Variants in EML4 observed in about 807,000 individuals in gnomAD.
EML4 encodes EMAP like 4, also known as echinoderm microtubule-associated protein-like 4.
Under a neutral mutation model 129.0 loss-of-function variants are expected in EML4, and 72 were observed. The ratio of observed to expected loss-of-function variants is 0.56; its 90% CI spans 0.46 to 0.68. EML4 has a LOEUF of 0.68. EML4 is among the 30% of genes least tolerant of loss of function. The probability of loss-of-function intolerance (pLI) is 0.00; values close to 1 mark genes in which losing one functional copy is unlikely to be tolerated. For missense variants in EML4, 1,363 were observed against 1,190.6 expected, an observed-to-expected ratio of 1.14 and a Z score of -2.13; for synonymous variants, 532 against 405.0, an observed-to-expected ratio of 1.31 and a Z score of -3.77.
chr2:42,295,645 T>C, intron 13 of EML4, 129 bp downstream of exon 13: 1 of 684,010 alleles, frequency 1.5e-6, no homozygotes, highest in Non-Finnish European at 2.3e-6. Context: ...ATACCTTTTG[T>C]TTTCAGCATT....
At position 42,169,423 on chromosome 2, in the gene EML4, G is replaced by T; in HGVS notation, c.-189G>T. The T allele has an allele frequency of 2.0e-6, 1 of 506,970 alleles. No individual in the cohort carries two copies. Among genetic ancestry groups the T allele is most frequent in the South Asian group, 2.7e-5 (1 of 37,516 alleles). 31.4% of individuals were successfully genotyped at this position (506,970 alleles called of 1,614,324 possible). A position where few individuals can be genotyped will look rare whatever the true frequency, so the allele number is the denominator to read the frequency against. Reference sequence around the variant, plus strand: ...TGAGCGGCGCGGCTCTCAACGTGACGGGGAAGTGGTTCGGGCGGCCGCGGC... The same window carrying T: ...TGAGCGGCGCGGCTCTCAACGTGACTGGGAAGTGGTTCGGGCGGCCGCGGC... On this transcript the variant is annotated 5_prime_UTR_variant, in exon 1 of 23. Coordinates refer to ENST00000318522, the MANE Select transcript of EML4 (RefSeq NM_019063.5).
chr2:42,305,589 G>C (rs1668554260), intron 17 of EML4, among the ~76,000 whole-genome samples: 1 of 152,168 alleles, frequency 6.6e-6, no homozygotes, highest in South Asian at 2.1e-4. Context: ...TTTAAGACCT[G>C]TCTTGCAGAC....
At chr2:42,169,660 C>T in intron 1 of EML4, 24 bp downstream of exon 1, 1 of 1,599,492 alleles carries the variant, frequency 6.3e-7, no homozygotes. Flanking sequence ...GGGAGTCCTG[C>T]GTCTTCTGCG....
chr2:42,300,949 A>G (rs1167345144), intron 13 of EML4, among the ~76,000 whole-genome samples: 2 of 152,304 alleles, frequency 1.3e-5, no homozygotes, highest in African/African-American at 2.4e-5. Flanking sequence ...AACCTATACT[A>G]TATCCCCTTT....
chr2:42,309,859 C>G (rs1292916604), intron 17 of EML4, among the ~76,000 whole-genome samples: 1 of 152,110 alleles, frequency 6.6e-6, no homozygotes. Flanking sequence ...GTTAATAGCA[C>G]CAGAGTTTTA....
chr2:42,216,586 G>C (rs1037154210), intron 1 of EML4, among the ~76,000 whole-genome samples: 1 of 152,100 alleles, frequency 6.6e-6, no homozygotes, highest in Non-Finnish European at 1.5e-5. Flanking sequence ...ATCCTAGTAT[G>C]AGTACAGCTA....
At chr2:42,290,814 A>G (rs1279644608) in intron 11 of EML4, among the ~76,000 whole-genome samples, 1 of 152,152 alleles carries the variant, frequency 6.6e-6, no homozygotes, top group East Asian at 1.9e-4. Flanking sequence ...ATTAAAGAGG[A>G]GGGATGTTAC....
intron 3 of EML4, among the ~76,000 whole-genome samples, chr2:42,259,734 T>C (rs1159152437): frequency 7.2e-6 from 1 of 138,822 alleles, no homozygotes; most frequent in African/African-American, 2.7e-5. Context: ...TTTTTTTTTT[T>C]TTTTTTTTTT....
chr2:42,193,051 A>C (rs1309233424), intron 1 of EML4, among the ~76,000 whole-genome samples: 3 of 152,168 alleles, frequency 2.0e-5, no homozygotes, highest in Non-Finnish European at 4.4e-5. Flanking sequence ...CTGCAGTACA[A>C]TATGTTTCAT....
At chr2:42,297,747 A>G (rs1428136629) in intron 13 of EML4, among the ~76,000 whole-genome samples, 1 of 152,242 alleles carries the variant, frequency 6.6e-6, no homozygotes, top group Non-Finnish European at 1.5e-5. Flanking sequence ...AGTCTTACCA[A>G]CCAAAATTTG....
chr2:42,205,921 C>T (rs1672512908), intron 1 of EML4, among the ~76,000 whole-genome samples: 1 of 152,144 alleles, frequency 6.6e-6, no homozygotes, highest in Admixed American at 6.5e-5. Flanking sequence ...TTTCTCTCCT[C>T]TACCTAGCCT....
At chr2:42,306,735 G>A (rs910433766) in intron 17 of EML4, among the ~76,000 whole-genome samples, 4 of 150,896 alleles carry the variant, frequency 2.7e-5, no homozygotes, top group Non-Finnish European at 4.4e-5. Context: ...ATCTGACCTC[G>A]TGATCCTCCC....
chr2:42,257,978 AG>A (rs1665450052), intron 3 of EML4, among the ~76,000 whole-genome samples: 1 of 152,252 alleles, frequency 6.6e-6, no homozygotes, highest in African/African-American at 2.4e-5. Flanking sequence ...AGAAAATGTT[AG>A]AAAATTTTAG....
intron 2 of EML4, among the ~76,000 whole-genome samples, chr2:42,246,746 C>G (rs1675425568): frequency 6.6e-6 from 1 of 152,108 alleles, no homozygotes. Flanking sequence ...AGAAGGCAGT[C>G]CAGCATAGTT....
chr2:42,243,057 C>G (rs537824386), intron 1 of EML4, among the ~76,000 whole-genome samples: 2 of 152,250 alleles, frequency 1.3e-5, no homozygotes, highest in Non-Finnish European at 2.9e-5. Flanking sequence ...GGATTACAGT[C>G]GTGACCTGCC....
At chr2:42,267,818 C>G (rs1317540580) in intron 6 of EML4, among the ~76,000 whole-genome samples, 1 of 152,184 alleles carries the variant, frequency 6.6e-6, no homozygotes, top group Non-Finnish European at 1.5e-5. Context: ...ACTCTCTCCC[C>G]TAGTTCTGCT....
intron 19 of EML4, among the ~76,000 whole-genome samples, chr2:42,321,969 T>A (rs1027755565): frequency 6.6e-6 from 1 of 152,202 alleles, no homozygotes. Context: ...GATAAAGATA[T>A]GTTTTCTACA....
chr2:42,320,819 G>A (rs745817587), intron 19 of EML4, among the ~76,000 whole-genome samples: 15 of 151,894 alleles, frequency 9.9e-5, no homozygotes, highest in African/African-American at 2.9e-4. Flanking sequence ...ACTGTTACTC[G>A]AAGATCTTAG....
At chr2:42,249,231 T>A (rs548031553) in intron 2 of EML4, among the ~76,000 whole-genome samples, 1 of 152,198 alleles carries the variant, frequency 6.6e-6, no homozygotes, top group Non-Finnish European at 1.5e-5. Context: ...TGTAGGGATT[T>A]GTATTTTTTC....
Sources: gnomAD v4.1 joint callset for allele counts (sites outside exome capture counted in the v4.1 genomes callset) on GRCh38, gnomAD v4.1.1 for gene constraint, MANE v1.5 for transcripts, NCBI Gene and HGNC (gene_info 2026-07-23, HGNC 2026-07-21) for gene names.